Variants in SLC7A2 observed in about 807,000 individuals in gnomAD.
SLC7A2 encodes cationic amino acid transporter 2.
SLC7A2 carries 48 observed loss-of-function variants against 58.9 expected under a neutral mutation model. The observed-to-expected ratio is 0.82, with a 90% CI of 0.65 to 1.04. The LOEUF (loss-of-function observed/expected upper bound fraction) is 1.04, where lower values mean the gene tolerates loss of function less well. Among genes scored for constraint, SLC7A2 ranks in the 50% least tolerant of loss-of-function variants. SLC7A2 has a pLI of 0.00. For synonymous variants in SLC7A2, 363 were observed against 314.5 expected (o/e 1.15, Z -1.63); for missense variants, 1,029 against 818.8 (o/e 1.26, Z -3.13).
At chr8:17,545,242 T>C (rs1802107035) in intron 4 of SLC7A2, among the ~76,000 whole-genome samples, 1 of 152,114 alleles carries the variant, frequency 6.6e-6, no homozygotes, top group East Asian at 1.9e-4. Context: ...TTATTTAATC[T>C]TTCCCTCACT....
intron 2 of SLC7A2, among the ~76,000 whole-genome samples, chr8:17,517,438 G>A (rs912217505): frequency 6.6e-6 from 1 of 152,170 alleles, no homozygotes; most frequent in Non-Finnish European, 1.5e-5. Flanking sequence ...ATTGTAAAAT[G>A]CACACAAGTG....
At chr8:17,517,010 G>T (rs1268151811) in intron 2 of SLC7A2, among the ~76,000 whole-genome samples, 2 of 152,192 alleles carry the variant, frequency 1.3e-5, no homozygotes, top group Non-Finnish European at 2.9e-5. Flanking sequence ...GGACAGAAAA[G>T]TTGCAGAAGC....
intron 8 of SLC7A2, chr8:17,555,208 T>C (rs529195655): frequency 1.2e-6 from 1 of 837,098 alleles, no homozygotes; most frequent in Admixed American, 2.6e-5. Flanking sequence ...CTGATAAAAA[T>C]TAGTATACAA....
At position 17,560,194 on chromosome 8, in the gene SLC7A2, C is replaced by A. The variant is rs1486148448; in HGVS notation, c.1299-134C>A. 4.5e-6 allele frequency: 3 copies of A among 661,856 alleles called. No homozygotes were observed. The African/African-American group carries it at 5.4e-5, about 12-fold the overall frequency. 41.0% of individuals were successfully genotyped at this position (661,856 alleles called of 1,614,324 possible). A position where few individuals can be genotyped will look rare whatever the true frequency, so the allele number is the denominator to read the frequency against. On this transcript the variant is annotated intron_variant, in intron 9 of 12. Coordinates refer to ENST00000494857, the MANE Select transcript of SLC7A2 (RefSeq NM_001370338.1). ...TGTCCTGGCTCAGCATGCTCTGGGA[C>A]TGGAGTCATAAGTGTTGATTTACTC... is the stretch of plus-strand genomic sequence containing the variant.
In SLC7A2 at chr8:17,565,072, A is replaced by G. The variant is rs1803203268; in HGVS notation, c.1903A>G (p.Ile635Val). The change falls in exon 13 of 13, where the codon ATT (isoleucine) becomes GTT (valine). Residue 635 changes from isoleucine to valine, a missense_variant. Transcript: ENST00000494857. The stretch of plus-strand genomic sequence containing the variant: ...TGCAGCAGCAGAAGAAAAATCTGCC[A>G]TTCAAGCAAATGACCATCACCCAAG... Reference protein sequence around the residue: ...VHAAAEEKSAIQANDHHPRNL... With the variant: ...VHAAAEEKSAVQANDHHPRNL... 4.3e-6 allele frequency: 7 copies of G among 1,614,064 alleles called. No homozygotes were observed. Among genetic ancestry groups the G allele is most frequent in the Non-Finnish European group, 5.9e-6 (7 of 1,179,956 alleles).
At chr8:17,557,125 GC>G (rs2150769488) in intron 8 of SLC7A2, among the ~76,000 whole-genome samples, 1 of 152,254 alleles carries the variant, frequency 6.6e-6, no homozygotes, top group East Asian at 1.9e-4. Context: ...CATTTTATAT[GC>G]CTAAACATAA....
At chr8:17,501,693 C>G (rs1800166709) in intron 1 of SLC7A2, among the ~76,000 whole-genome samples, 1 of 151,864 alleles carries the variant, frequency 6.6e-6, no homozygotes, top group East Asian at 1.9e-4. Flanking sequence ...TCACCGTATC[C>G]CCATCCTCCT....
chr8:17,540,539 A>G (rs953014555), intron 2 of SLC7A2, among the ~76,000 whole-genome samples: 3 of 152,168 alleles, frequency 2.0e-5, no homozygotes, highest in Admixed American at 2.0e-4. Context: ...CAGAAGCAGT[A>G]GAAATCATAT....
chr8:17,533,984 A>C (rs2150718385), intron 2 of SLC7A2, among the ~76,000 whole-genome samples: 1 of 151,746 alleles, frequency 6.6e-6, no homozygotes, highest in East Asian at 1.9e-4. Flanking sequence ...CTCATTGCTC[A>C]GCTCCCACTT....
intron 7 of SLC7A2, among the ~76,000 whole-genome samples, chr8:17,552,953 C>T (rs1293427428): frequency 1.3e-5 from 2 of 152,142 alleles, no homozygotes; most frequent in East Asian, 3.9e-4. Context: ...ATTCACCAGC[C>T]TAGCTTTATT....
chr8:17,514,908 T>A (rs1800743111), intron 2 of SLC7A2, among the ~76,000 whole-genome samples: 1 of 152,212 alleles, frequency 6.6e-6, no homozygotes, highest in Non-Finnish European at 1.5e-5. Context: ...TATTTGATAC[T>A]GTTATTGTCT....
At chr8:17,516,744 T>C (rs955636705) in intron 2 of SLC7A2, among the ~76,000 whole-genome samples, 3 of 152,216 alleles carry the variant, frequency 2.0e-5, no homozygotes, top group African/African-American at 4.8e-5. Flanking sequence ...TCCAGTTGAC[T>C]CTTCACTGAA....
intron 2 of SLC7A2, among the ~76,000 whole-genome samples, chr8:17,539,326 C>A (rs1161302582): frequency 6.6e-6 from 1 of 152,086 alleles, no homozygotes; most frequent in Non-Finnish European, 1.5e-5. Flanking sequence ...AAGTTTGGGG[C>A]ACAATGGGCG....
intron 2 of SLC7A2, among the ~76,000 whole-genome samples, chr8:17,536,314 C>T (rs967374516): frequency 6.6e-6 from 1 of 152,050 alleles, no homozygotes; most frequent in Non-Finnish European, 1.5e-5. Context: ...CCTGTAACCT[C>T]AGCACTTTGG....
At chr8:17,536,079 C>T (rs1016143388) in intron 2 of SLC7A2, among the ~76,000 whole-genome samples, 3 of 149,814 alleles carry the variant, frequency 2.0e-5, no homozygotes, top group East Asian at 2.0e-4. Flanking sequence ...ATCGCTCTGC[C>T]GCTAGCTTAC....
intron 2 of SLC7A2, among the ~76,000 whole-genome samples, chr8:17,531,362 G>A (rs1411639743): frequency 3.9e-5 from 6 of 152,110 alleles, no homozygotes; most frequent in South Asian, 2.1e-4. Flanking sequence ...TTTAGGTTTC[G>A]TTTTGGGGTA....
At position 17,509,878 on chromosome 8, in the gene SLC7A2, C is replaced by G. The variant is rs1028106608; in HGVS notation, c.-23+7576C>G. Among the ~76,000 whole-genome samples the G allele has an allele frequency of 2.0e-5, 3 of 151,958 alleles. No homozygotes were observed. The East Asian group carries it at 5.8e-4, about 30-fold the overall frequency. ...CGGAAGAAGCCTGTGTGTTTCATTT[C>G]AAGCAGAACTGTATCTACCTATTTT... On this transcript the variant is annotated intron_variant, in intron 2 of 12. Transcript: ENST00000494857.
chr8:17,523,533 A>C (rs1801100754), intron 2 of SLC7A2, among the ~76,000 whole-genome samples: 1 of 152,188 alleles, frequency 6.6e-6, no homozygotes, highest in Admixed American at 6.5e-5. Flanking sequence ...TTTTCAGCAA[A>C]TGGTGATGGG....
chr8:17,528,295 T>TAA (rs1801299923), intron 2 of SLC7A2, among the ~76,000 whole-genome samples: 1 of 152,216 alleles, frequency 6.6e-6, no homozygotes, highest in South Asian at 2.1e-4. Flanking sequence ...GCTTTATATT[T>TAA]GCCTCCCTAC....
Sources: gnomAD v4.1 joint callset for allele counts (sites outside exome capture counted in the v4.1 genomes callset) on GRCh38, gnomAD v4.1.1 for gene constraint, MANE v1.5 for transcripts, NCBI Gene and HGNC (gene_info 2026-07-23, HGNC 2026-07-21) for gene names.